MCF2L: variants seen among roughly 807,000 people sequenced by gnomAD.
MCF2L encodes MCF.2 cell line derived transforming sequence like.
In MCF2L, 97 loss-of-function variants were observed where a neutral mutation model predicts 153.4. That is an observed-to-expected ratio of 0.63 (90% CI 0.54 to 0.75). MCF2L has a LOEUF of 0.75. Ranked by LOEUF, MCF2L falls within the 30% of genes least tolerant of loss-of-function variation. The pLI, the probability that MCF2L is intolerant of heterozygous loss-of-function variation, is 0.00. For synonymous variants in MCF2L, 659 were observed against 632.2 expected, an observed-to-expected ratio of 1.04 and a Z score of -0.64; for missense variants, 1,347 against 1,495.2, an observed-to-expected ratio of 0.90 and a Z score of 1.64.
chr13:113,018,085 C>T (rs367899912), intron 2 of MCF2L, among the ~76,000 whole-genome samples: 8 of 152,206 alleles, frequency 5.3e-5, no homozygotes, highest in African/African-American at 1.9e-4. Context: ...CGCACAGGTG[C>T]CACGCAGAAC....
At position 113,089,595 on chromosome 13, in the gene MCF2L, G is replaced by C; in HGVS notation, c.2835-15G>C. 1 of 1,551,712 alleles carries C rather than the reference G, an allele frequency of 6.4e-7. No individual in the cohort carries two copies. The highest frequency in any genetic ancestry group is 1.4e-5 in the African/African-American group (1 of 73,430). Reference sequence around the variant, plus strand: ...CAACACACTATTTCCTTTTTGATTTGTCTGATGTCATCAGTCCCTCAAGAG... The same window carrying C: ...CAACACACTATTTCCTTTTTGATTTCTCTGATGTCATCAGTCCCTCAAGAG... On this transcript the variant is annotated splice_polypyrimidine_tract_variant and intron_variant, in intron 25 of 29. Coordinates refer to ENST00000535094, the MANE Select transcript of MCF2L (RefSeq NM_001112732.3).
rs1264957617 is a variant in MCF2L at position 112,983,492 on chromosome 13, T to C, written c.79+14034T>C. Reference sequence around the variant, plus strand: ...CGGGGCTTAAGTCAAGCTCTGTAAATGCGGCACCCGACGTCTGAGGCCCGC... The same window carrying C: ...CGGGGCTTAAGTCAAGCTCTGTAAACGCGGCACCCGACGTCTGAGGCCCGC... On this transcript the variant is annotated intron_variant, in intron 1 of 29. Coordinates refer to ENST00000535094, the MANE Select transcript of MCF2L (RefSeq NM_001112732.3). This position sits in a 1 kb window ranked among gnomAD's most constrained non-coding sequence, Gnocchi z 4.0. Among the ~76,000 whole-genome samples the C allele has an allele frequency of 1.3e-5, 2 of 152,134 alleles. No homozygotes were observed. Among genetic ancestry groups the C allele is most frequent in the Admixed American group, 6.5e-5 (1 of 15,278 alleles).
At chr13:113,058,666 C>T (rs373499097) in intron 4 of MCF2L, among the ~76,000 whole-genome samples, 8 of 119,358 alleles carry the variant, frequency 6.7e-5, no homozygotes, top group Middle Eastern at 9.4e-3. Flanking sequence ...ACTGAGTGGG[C>T]GCTGTGTGTT....
rs546943517 is a variant in MCF2L, at chr13:113,070,546, A to T, written c.996+373A>T. 1.7e-3 allele frequency among the ~76,000 whole-genome samples: 265 copies of T among 152,312 alleles called. No homozygotes were observed. The highest frequency in any genetic ancestry group is 3.0e-3 in the Non-Finnish European group (207 of 68,026). On this transcript the variant is annotated intron_variant, in intron 9 of 29. Coordinates refer to ENST00000535094, the MANE Select transcript of MCF2L (RefSeq NM_001112732.3). The surrounding 1 kb of genome is among the most constrained non-coding windows in gnomAD (Gnocchi z 5.6). Reference sequence around the variant, plus strand: ...CAGACTGTAGGACGGCGTCACAGTCATGAGGTGCACAGCGACACGGCCAGT... The same window carrying T: ...CAGACTGTAGGACGGCGTCACAGTCTTGAGGTGCACAGCGACACGGCCAGT...
At chr13:113,063,333 T>C (rs1335332259) in intron 5 of MCF2L, among the ~76,000 whole-genome samples, 3 of 149,910 alleles carry the variant, frequency 2.0e-5, no homozygotes, top group Admixed American at 1.3e-4. Context: ...CTGCCTACAG[T>C]GTCCAGACAC....
intron 1 of MCF2L, among the ~76,000 whole-genome samples, chr13:112,994,087 G>A (rs1304823393): frequency 1.3e-5 from 2 of 152,162 alleles, no homozygotes; most frequent in African/African-American, 2.4e-5. Context: ...TGCGGGGTGC[G>A]GCGCTTGGGA....
At position 113,087,770 on chromosome 13, in the gene MCF2L, AAC is replaced by A; in HGVS notation, c.2660_2661del (p.Asn887SerfsTer14). 1 of 1,614,142 alleles carries A rather than the reference AAC, an allele frequency of 6.2e-7. No individual in the cohort carries two copies. The highest frequency in any genetic ancestry group is 8.5e-7 in the Non-Finnish European group (1 of 1,180,036). The stretch of plus-strand genomic sequence containing the variant: ...TGCTAAGAAGTTCGAGATCTGGTAC[AAC>A]GCGCGCGAGGAGGTCTACATCGTCC... ...GDAKKFEIWY[N>X]AREEVYIVQA... On this transcript the variant is annotated frameshift_variant, in exon 23 of 30. Coordinates refer to ENST00000535094, the MANE Select transcript of MCF2L (RefSeq NM_001112732.3). LOFTEE classifies it high-confidence loss of function.
rs1737827083 is a variant in MCF2L at position 113,074,690 on chromosome 13, A to G, written c.1116+127A>G. 7.2e-7 allele frequency: 1 copy of G among 1,388,192 alleles called. No homozygotes were observed. Among genetic ancestry groups the G allele is most frequent in the African/African-American group, 1.4e-5 (1 of 70,554 alleles). The allele number at this position is 1,388,192 out of a possible 1,614,324, so 86.0% of individuals were successfully genotyped here. A position where few individuals can be genotyped will look rare whatever the true frequency, so the allele number is the denominator to read the frequency against. On this transcript the variant is annotated intron_variant, in intron 10 of 29. Transcript: ENST00000535094. This position sits in a 1 kb window ranked among gnomAD's most constrained non-coding sequence, Gnocchi z 4.2. ...ACCCCACAGCCCCCCGGGGATGTCCATGGGGTGGGGGGTGCTGCTGCCTGT... is the reference window on the plus strand; with the variant it reads ...ACCCCACAGCCCCCCGGGGATGTCCGTGGGGTGGGGGGTGCTGCTGCCTGT...
At chr13:113,087,064 CT>C (rs1420117828) in intron 21 of MCF2L, among the ~76,000 whole-genome samples, 170 bp from the exon 22 acceptor site, 7 of 152,236 alleles carry the variant, frequency 4.6e-5, no homozygotes, top group African/African-American at 1.7e-4. Context: ...CCCCCAGCCC[CT>C]GGCACCTGCT....
chr13:113,042,321 C>T (rs1039208736), intron 3 of MCF2L: 9 of 152,252 alleles, frequency 5.9e-5, no homozygotes, highest in Non-Finnish European at 8.8e-5. Flanking sequence ...GAAACCAGTC[C>T]GTCCTTCTCG....
rs74115789 is a variant in MCF2L at position 113,082,668 on chromosome 13, T to A, written c.1991+126T>A. On this transcript the variant is annotated intron_variant, in intron 17 of 29. Coordinates refer to ENST00000535094, the MANE Select transcript of MCF2L (RefSeq NM_001112732.3). The stretch of plus-strand genomic sequence containing the variant: ...TGGCTAGGGAGGGGCGCCCAAGGGG[T>A]GGACTCACAGAGGCACAGGCTTGAG... 865 of 687,466 alleles carry A rather than the reference T, an allele frequency of 1.3e-3. 9 individuals are homozygous for A. Among genetic ancestry groups the A allele is most frequent in the African/African-American group, 0.013 (708 of 56,414 alleles). 42.6% of individuals were successfully genotyped at this position (687,466 alleles called of 1,614,324 possible). A position where few individuals can be genotyped will look rare whatever the true frequency, so the allele number is the denominator to read the frequency against.
At chr13:112,923,257 C>CTTTTTTTTTT (rs57030206) in intron 2 of MCF2L, among the ~76,000 whole-genome samples, 6 of 78,478 alleles carry the variant, frequency 7.6e-5, no homozygotes, top group African/African-American at 1.6e-4. Context: ...GTGTTTGCTT[C>CTTTTTTTTTT]TTTTTTTTTT....
chr13:112,971,557 A>G (rs2082039559), intron 1 of MCF2L, among the ~76,000 whole-genome samples: 1 of 152,116 alleles, frequency 6.6e-6, no homozygotes, highest in Admixed American at 6.6e-5. Flanking sequence ...CAGGCATTTT[A>G]TCTTTGCTGC....
chr13:112,962,416 G>A (rs2081842753), intron 2 of MCF2L, among the ~76,000 whole-genome samples: 1 of 152,208 alleles, frequency 6.6e-6, no homozygotes, highest in Non-Finnish European at 1.5e-5. Flanking sequence ...GTGCTGGTGG[G>A]TTGCGGTCCC....
Position 113,046,922 on chromosome 13 carries a change from T to G in MCF2L, c.369+1561T>G, listed in dbSNP as rs2086853508. On this transcript the variant is annotated intron_variant, in intron 4 of 29. Coordinates refer to ENST00000535094, the MANE Select transcript of MCF2L (RefSeq NM_001112732.3). The surrounding 1 kb of genome is among the most constrained non-coding windows in gnomAD (Gnocchi z 4.4). ...CGTCACTATAAAGACGTACTTGAGC[T>G]GGGTAATTGATAAAGAAAGAGGCGT... 4 of 224,336 alleles carry G rather than the reference T, an allele frequency of 1.8e-5. No individual in the cohort carries two copies. The South Asian group carries it at 2.2e-4, about 12-fold the overall frequency. 13.9% of individuals were successfully genotyped at this position (224,336 alleles called of 1,614,324 possible).
At chr13:113,033,395 A>ACG (rs1566773538) in intron 3 of MCF2L, among the ~76,000 whole-genome samples, 2 of 76,514 alleles carry the variant, frequency 2.6e-5, no homozygotes, top group African/African-American at 5.3e-5. Context: ...GGCCCCCGTG[A>ACG]TGTGAGTGGA....
At chr13:113,060,494 C>T in intron 4 of MCF2L, 99 bp from the exon 5 acceptor site, 2 of 1,456,482 alleles carry the variant, frequency 1.4e-6, no homozygotes, top group Non-Finnish European at 1.9e-6. Context: ...TGGCCGCTAG[C>T]TGCGCGCCCC....
intron 27 of MCF2L, chr13:113,095,426 C>T: frequency 9.2e-7 from 1 of 1,082,552 alleles, no homozygotes; most frequent in Non-Finnish European, 1.1e-6. Context: ...GAGGCGGAGG[C>T]CACGTGGCAG....
chr13:113,048,497 G>A (rs556637723), intron 4 of MCF2L, among the ~76,000 whole-genome samples: 1 of 121,552 alleles, frequency 8.2e-6, no homozygotes, highest in African/African-American at 3.0e-5. Context: ...CCGGACTGCA[G>A]TGGCGCGATC....
Sources: allele counts gnomAD v4.1 joint callset (sites outside exome capture counted in the v4.1 genomes callset), GRCh38; gene constraint gnomAD v4.1.1; non-coding constraint Gnocchi (gnomAD v3.1); transcripts MANE v1.5; gene names NCBI Gene and HGNC (gene_info 2026-07-23, HGNC 2026-07-21).